Variants in SYNPR observed in about 807,000 individuals in gnomAD.
The protein encoded by SYNPR is synaptoporin.
In SYNPR, 23 loss-of-function variants were observed where a neutral mutation model predicts 32.9. That is an observed-to-expected ratio of 0.70 (90% CI 0.50 to 0.99). The LOEUF is 0.99. SYNPR is among the 50% of genes least tolerant of loss of function. The pLI, the probability that SYNPR is intolerant of heterozygous loss-of-function variation, is 0.00. For missense variants in SYNPR, 318 were observed against 349.3 expected (o/e 0.91, Z 0.71); for synonymous variants, 146 against 135.9 (o/e 1.07, Z -0.52).
chr3:63,431,779 A>G (rs1700000851), intron 2 of SYNPR, among the ~76,000 whole-genome samples: 1 of 152,060 alleles, frequency 6.6e-6, no homozygotes, highest in Non-Finnish European at 1.5e-5. Context: ...TACAGCCAGA[A>G]CCAACATAAT....
chr3:63,571,500 C>T (rs762379568), intron 4 of SYNPR, among the ~76,000 whole-genome samples: 72 of 151,786 alleles, frequency 4.7e-4, no homozygotes, highest in Non-Finnish European at 5.1e-4. Flanking sequence ...ATAGGTAATC[C>T]GAAAACTAGA....
At chr3:63,603,347 C>T (rs1462732971) in intron 4 of SYNPR, among the ~76,000 whole-genome samples, 1 of 152,144 alleles carries the variant, frequency 6.6e-6, no homozygotes, top group Non-Finnish European at 1.5e-5. Context: ...CTTTCTCTTG[C>T]CTGATTGCTC....
chr3:63,323,510 G>A (rs145980603), intron 2 of SYNPR, among the ~76,000 whole-genome samples: 1 of 152,102 alleles, frequency 6.6e-6, no homozygotes, highest in Non-Finnish European at 1.5e-5. Flanking sequence ...GAAAATCTCA[G>A]GTGTGTTGGA....
rs145707546 is a variant in SYNPR at position 63,266,010 on chromosome 3, A to G, written n.155-1307A>G. 2.7e-3 allele frequency among the ~76,000 whole-genome samples: 413 copies of G among 152,218 alleles called. 1 individual carries two copies. The highest frequency in any genetic ancestry group is 9.2e-3 in the African/African-American group (382 of 41,564). Reference sequence around the variant, plus strand: ...GAGTATTAAACATCATCTCTCCTAAATTTTTTCTACAAGTGAAAAAATTGA... The same window carrying G: ...GAGTATTAAACATCATCTCTCCTAAGTTTTTTCTACAAGTGAAAAAATTGA... On this transcript the variant is annotated intron_variant and non_coding_transcript_variant, in intron 2 of 4. Coordinates refer to the SYNPR transcript ENST00000478456.
rs768788383 is a variant in SYNPR at position 63,615,224 on chromosome 3, G to A, written c.601G>A (p.Val201Ile). The A allele has an allele frequency of 4.3e-6, 7 of 1,613,026 alleles. No individual in the cohort carries two copies. Among genetic ancestry groups the A allele is most frequent in the Non-Finnish European group, 4.2e-6 (5 of 1,179,462 alleles). The change falls in exon 6 of 6, where the codon GTC (valine) becomes ATC (isoleucine). Residue 201 changes from valine (V) to isoleucine (I), a missense_variant and splice_region_variant. Physicochemically the swap from Val to Ile is conservative, Grantham distance 29. Coordinates refer to ENST00000478300, the MANE Select transcript of SYNPR (RefSeq NM_001130003.2). The part of the protein sequence containing the change: ...PVMSSLNTSV[V>I]FGFLNFILWA... Reference sequence around the variant, plus strand: ...TTCATTGGCTTTGATTCTCCTTCAGGTCTTTGGATTCTTGAACTTTATTCT... The same window carrying A: ...TTCATTGGCTTTGATTCTCCTTCAGATCTTTGGATTCTTGAACTTTATTCT...
chr3:63,360,609 C>T (rs573191578), intron 2 of SYNPR, among the ~76,000 whole-genome samples: 205 of 152,220 alleles, frequency 1.3e-3, no homozygotes, highest in Non-Finnish European at 2.5e-3. Context: ...AGCATTCCAC[C>T]CCTTGCTTGG....
At chr3:63,482,663 G>T (rs1381304613) in intron 3 of SYNPR, among the ~76,000 whole-genome samples, 1 of 152,200 alleles carries the variant, frequency 6.6e-6, no homozygotes, top group African/African-American at 2.4e-5. Context: ...TAAGGAAGCA[G>T]TATTAGCCAA....
At chr3:63,558,938 A>G (rs1182802413) in intron 4 of SYNPR, among the ~76,000 whole-genome samples, 2 of 152,080 alleles carry the variant, frequency 1.3e-5, no homozygotes, top group African/African-American at 4.8e-5. Context: ...GGAAGATGTA[A>G]AATTTCTACC....
intron 2 of SYNPR, among the ~76,000 whole-genome samples, chr3:63,449,427 A>G (rs1413532413): frequency 6.6e-6 from 1 of 152,144 alleles, no homozygotes; most frequent in African/African-American, 2.4e-5. Context: ...CAGATAATTC[A>G]TTATTGTTAG....
At chr3:63,507,379 A>G in intron 3 of SYNPR, among the ~76,000 whole-genome samples, 1 of 78,808 alleles carries the variant, frequency 1.3e-5, no homozygotes, top group South Asian at 3.8e-4. Flanking sequence ...TAATAATGGG[A>G]AAAAAAATCA....
intron 3 of SYNPR, among the ~76,000 whole-genome samples, chr3:63,491,518 A>G (rs1408676341): frequency 2.0e-5 from 3 of 151,926 alleles, no homozygotes; most frequent in Non-Finnish European, 4.4e-5. Context: ...TTATGTGTAT[A>G]TGCATATATA....
At chr3:63,326,644 C>T (rs1048103989) in intron 2 of SYNPR, among the ~76,000 whole-genome samples, 1 of 152,100 alleles carries the variant, frequency 6.6e-6, no homozygotes, top group Non-Finnish European at 1.5e-5. Context: ...GATGCTGGTC[C>T]TTGGTCTTCT....
intron 1 of SYNPR, among the ~76,000 whole-genome samples, chr3:63,234,318 C>G (rs576023430): frequency 1.3e-5 from 2 of 152,158 alleles, no homozygotes; most frequent in South Asian, 4.1e-4. Flanking sequence ...CCCACCAGGT[C>G]TCTCCCACCA....
chr3:63,385,242 C>T (rs1454287226), intron 2 of SYNPR, among the ~76,000 whole-genome samples: 1 of 152,158 alleles, frequency 6.6e-6, no homozygotes, highest in African/African-American at 2.4e-5. Context: ...TTGAACAGGA[C>T]TATTATTTTC....
At chr3:63,400,009 G>A (rs7646925) in intron 2 of SYNPR, among the ~76,000 whole-genome samples, 8,223 of 152,250 alleles carry the variant, frequency 0.054, 553 homozygotes, top group African/African-American at 0.16. Context: ...ATGAAGCAGA[G>A]CCACTTAAGT....
the SYNPR span, among the ~76,000 whole-genome samples, chr3:63,208,359 C>T: frequency 0.24 from 36,860 of 152,062 alleles, 5,207 homozygotes; most frequent in African/African-American, 0.37. Context: ...GCTTCTGCTG[C>T]TCCTCCTGAG....
chr3:63,450,328 C>T (rs1192216424), intron 2 of SYNPR, among the ~76,000 whole-genome samples: 2 of 152,142 alleles, frequency 1.3e-5, no homozygotes, highest in Non-Finnish European at 2.9e-5. Context: ...CACCTTCAAA[C>T]TATCTGATCT....
chr3:63,482,652 T>C (rs919906559), intron 3 of SYNPR, among the ~76,000 whole-genome samples: 3 of 152,226 alleles, frequency 2.0e-5, no homozygotes, highest in Non-Finnish European at 4.4e-5. Flanking sequence ...CTGTCTACTG[T>C]TAAGGAAGCA....
At chr3:63,220,857 G>GT in the SYNPR span, among the ~76,000 whole-genome samples, 3 of 152,170 alleles carry the variant, frequency 2.0e-5, no homozygotes, top group African/African-American at 7.2e-5. Flanking sequence ...GCTGGTTGCT[G>GT]TTCCTTCAAC....
Sources: gnomAD v4.1 joint callset for allele counts (sites outside exome capture counted in the v4.1 genomes callset) on GRCh38, gnomAD v4.1.1 for gene constraint, MANE v1.5 for transcripts, NCBI Gene and HGNC (gene_info 2026-07-23, HGNC 2026-07-21) for gene names.